Variants in TSPAN1 observed in about 807,000 individuals in gnomAD.
TSPAN1 encodes tetraspanin 1.
Under a neutral mutation model 26.9 loss-of-function variants are expected in TSPAN1, and 23 were observed. That is an observed-to-expected ratio of 0.85 (90% CI 0.62 to 1.21). TSPAN1 has a LOEUF of 1.21. TSPAN1 is among the 50% of genes most tolerant of loss of function. The probability of loss-of-function intolerance (pLI) is 0.00; values close to 1 mark genes in which losing one functional copy is unlikely to be tolerated. For synonymous variants in TSPAN1, 115 were observed against 114.8 expected (o/e 1.00, Z -0.01); for missense variants, 283 against 298.4 (o/e 0.95, Z 0.38).
At chr1:46,182,297 G>A (rs1247712596) in intron 3 of TSPAN1, among the ~76,000 whole-genome samples, 1 of 2,924 alleles carries the variant, frequency 3.4e-4, no homozygotes, top group Non-Finnish European at 0.015. Flanking sequence ...AATTTATTAG[G>A]GATAAGCAAA....
chr1:46,176,158 A>G lies in TSPAN1; in HGVS notation c.-142+749A>G, dbSNP rs1305802572. On this transcript the variant is annotated intron_variant, in intron 1 of 8. Coordinates refer to ENST00000372003, the MANE Select transcript of TSPAN1 (RefSeq NM_005727.4). The stretch of plus-strand genomic sequence containing the variant: ...CCAAAGTGCCGGGATTACAGGCATG[A>G]GCCACCGCACCCAGCCTAGTGGCTC... 5 of 1,513,818 alleles carry G rather than the reference A, an allele frequency of 3.3e-6. No homozygotes were observed. The East Asian group carries it at 7.4e-5, about 22-fold the overall frequency. The allele number at this position is 1,513,818 out of a possible 1,614,324, so 93.8% of individuals were successfully genotyped here.
At chr1:46,196,142 G>A in the TSPAN1 span, 1 of 1,611,088 alleles carries the variant, frequency 6.2e-7, no homozygotes, top group Non-Finnish European at 8.5e-7. The surrounding 1 kb of genome is among the most constrained non-coding windows in gnomAD (Gnocchi z 4.4). Context: ...CTGTCTTAGG[G>A]GTACTTAAAA....
In TSPAN1 at chr1:46,184,317, G is replaced by A. The variant is rs764470152; in HGVS notation, c.184G>A (p.Ala62Thr). 36 of 1,614,048 alleles carry A rather than the reference G, an allele frequency of 2.2e-5. No homozygotes were observed. Among genetic ancestry groups the A allele is most frequent in the East Asian group, 6.7e-5 (3 of 44,894 alleles). ...TGTCAACGTGGGCTACTTCCTCATC[G>A]CAGCCGGCGTTGTGGTCTTTGCTCT... ...QFVNVGYFLI[A>T]AGVVVFALGF... The change falls in exon 4 of 9, where the codon GCA becomes ACA. Residue 62 changes from alanine to threonine, a missense_variant. Transcript: ENST00000372003.
the TSPAN1 span, chr1:46,192,850 T>C: frequency 1.2e-6 from 2 of 1,611,940 alleles, no homozygotes; most frequent in East Asian, 2.2e-5. Flanking sequence ...TCACTGACTC[T>C]TTCCCTGCAG....
At chr1:46,194,762 T>C in the TSPAN1 span, 9 of 1,613,556 alleles carry the variant, frequency 5.6e-6, no homozygotes, top group African/African-American at 1.2e-4. Context: ...TCCTATTTGT[T>C]CCCCACCCCA....
the TSPAN1 span, chr1:46,193,351 C>G: frequency 1.2e-6 from 2 of 1,613,428 alleles, no homozygotes; most frequent in Non-Finnish European, 1.7e-6. Context: ...ATGCTGGATG[C>G]CCCTCAGACC....
downstream of TSPAN1, chr1:46,190,580 T>C: frequency 1.9e-6 from 3 of 1,539,806 alleles, no homozygotes; most frequent in Non-Finnish European, 9.0e-7. Flanking sequence ...TGGGTAGCAC[T>C]GAGCAGGGCA....
At chr1:46,190,319 C>A, downstream of TSPAN1, 1 of 1,006,024 alleles carries the variant, frequency 9.9e-7, no homozygotes. Flanking sequence ...GCTGGGATTA[C>A]AGGCGTGAGC....
At chr1:46,196,382 G>A in the TSPAN1 span, among the ~76,000 whole-genome samples, 6 of 152,152 alleles carry the variant, frequency 3.9e-5, no homozygotes, top group African/African-American at 1.4e-4. The surrounding 1 kb of genome is among the most constrained non-coding windows in gnomAD (Gnocchi z 4.4). Flanking sequence ...ACCCCTCAAG[G>A]TAGGGCCAGG....
intron 1 of TSPAN1, among the ~76,000 whole-genome samples, chr1:46,179,964 A>AGT (rs141816531): frequency 0.062 from 9,119 of 146,858 alleles, 317 homozygotes; most frequent in Middle Eastern, 0.092. Flanking sequence ...AGAAAGAGGG[A>AGT]GTGTGTGTGT....
chr1:46,190,687 A>C (rs763991035), downstream of TSPAN1: 15 of 1,589,266 alleles, frequency 9.4e-6, no homozygotes, highest in Admixed American at 1.5e-4. Context: ...AATCTCCTAG[A>C]TATCCACCCC....
chr1:46,189,343 G>A (rs1467007123), downstream of TSPAN1: 4 of 1,613,750 alleles, frequency 2.5e-6, no homozygotes, highest in Admixed American at 6.7e-5. Flanking sequence ...GGTGACTGAG[G>A]GTGGCTTCTT....
rs746108556 is a variant in TSPAN1, at chr1:46,185,522, A to G, written c.715A>G (p.Asn239Asp). The G allele has an allele frequency of 3.0e-5, 49 of 1,614,066 alleles. No homozygotes were observed. Among genetic ancestry groups the G allele is most frequent in the Non-Finnish European group, 4.2e-5 (49 of 1,180,042 alleles). ...AMIVSMYLYC[N>D]LQ ...GATTGTGTCCATGTATCTGTACTGCAATCTACAATAAGTCCACTTCTGCCT... is the reference window on the plus strand; with the variant it reads ...GATTGTGTCCATGTATCTGTACTGCGATCTACAATAAGTCCACTTCTGCCT... Residue 239 changes from asparagine to aspartate, a missense_variant, in exon 9 of 9, where the codon AAT (asparagine) becomes GAT (aspartate). Asn to Asp is a conservative substitution (Grantham distance 23, BLOSUM62 1). Transcript: ENST00000372003.
the TSPAN1 span, chr1:46,195,612 C>G: frequency 4.6e-6 from 3 of 654,316 alleles, no homozygotes; most frequent in Non-Finnish European, 8.3e-6. Flanking sequence ...TCTTCAGCAC[C>G]CAGAGAAGTA....
intron 3 of TSPAN1, among the ~76,000 whole-genome samples, chr1:46,181,525 C>A (rs1387193601): frequency 1.3e-5 from 2 of 152,200 alleles, no homozygotes; most frequent in Non-Finnish European, 2.9e-5. Flanking sequence ...AGTTTACCTA[C>A]CACAGAAGGA....
At chr1:46,195,031 A>G in the TSPAN1 span, 1 of 1,361,790 alleles carries the variant, frequency 7.3e-7, no homozygotes, top group Admixed American at 1.7e-5. Context: ...CAGAGCACGA[A>G]CTATGTAGCA....
chr1:46,192,642 C>T, the TSPAN1 span: 1 of 1,609,126 alleles, frequency 6.2e-7, no homozygotes, highest in South Asian at 1.1e-5. Context: ...TAAATCTAGT[C>T]ACACAGAGAT....
the TSPAN1 span, chr1:46,192,888 G>A: frequency 1.2e-6 from 2 of 1,614,076 alleles, no homozygotes; most frequent in Non-Finnish European, 1.7e-6. Flanking sequence ...GAAACCTAGA[G>A]ACTCCCCTCA....
chr1:46,187,004 C>T (rs1462890684), downstream of TSPAN1, among the ~76,000 whole-genome samples: 1 of 152,138 alleles, frequency 6.6e-6, no homozygotes, highest in East Asian at 1.9e-4. Context: ...GACAGGGTTT[C>T]ACCATGTTGG....
Sources: gnomAD v4.1 joint callset for allele counts (sites outside exome capture counted in the v4.1 genomes callset) on GRCh38, gnomAD v4.1.1 for gene constraint, Gnocchi (gnomAD v3.1) non-coding constraint, MANE v1.5 for transcripts, NCBI Gene and HGNC (gene_info 2026-07-23, HGNC 2026-07-21) for gene names.